Variants in RNF138 observed in about 807,000 individuals in gnomAD.
RNF138 encodes the protein ring finger protein 138.
In RNF138, 12 loss-of-function variants were observed where a neutral mutation model predicts 31.0. The observed-to-expected ratio is 0.39, with a 90% CI of 0.25 to 0.63. The LOEUF (loss-of-function observed/expected upper bound fraction) is 0.63, where lower values mean the gene tolerates loss of function less well. Ranked by LOEUF, RNF138 falls within the 20% of genes least tolerant of loss-of-function variation. The pLI is 0.52. For synonymous variants in RNF138, 105 were observed against 99.5 expected, an observed-to-expected ratio of 1.06 and a Z score of -0.33; for missense variants, 192 against 300.1, an observed-to-expected ratio of 0.64 and a Z score of 2.66.
At position 32,102,043 on chromosome 18, in the gene RNF138, AT is replaced by A. The variant is rs551714071; in HGVS notation, c.110+9172del. On this transcript the variant is annotated intron_variant, in intron 2 of 7. Coordinates refer to ENST00000261593, the MANE Select transcript of RNF138 (RefSeq NM_016271.5). The stretch of plus-strand genomic sequence containing the variant: ...AGGCGTGCACCACCATGCCTGGCTG[AT>A]TTTTTTTTTTTTTTCTTCAGTAGAG... Among the ~76,000 whole-genome samples, 427 of 133,272 alleles carry A rather than the reference AT, an allele frequency of 3.2e-3. 1 individual carries two copies. Among genetic ancestry groups the A allele is most frequent in the African/African-American group, 6.1e-3 (219 of 36,134 alleles). 87.4% of individuals were successfully genotyped at this position (133,272 alleles called of 152,430 possible).
In RNF138 at chr18:32,123,504, C is replaced by T. The variant is rs1168393288; in HGVS notation, c.393-14C>T. On this transcript the variant is annotated splice_polypyrimidine_tract_variant and intron_variant, in intron 4 of 7. Coordinates refer to ENST00000261593, the MANE Select transcript of RNF138 (RefSeq NM_016271.5). ...TACTTTGAGGTATTAACTTTTTCCC[C>T]TGTGCTTCTTAAGCAATAGGAGTGA... 1 of 1,549,270 alleles carries T rather than the reference C, an allele frequency of 6.5e-7. No individual in the cohort carries two copies. The highest frequency in any genetic ancestry group is 1.2e-5 in the South Asian group (1 of 83,362).
chr18:32,095,016 C>A (rs751170194), intron 2 of RNF138, among the ~76,000 whole-genome samples: 5 of 152,056 alleles, frequency 3.3e-5, no homozygotes, highest in Non-Finnish European at 7.4e-5. Flanking sequence ...TTTCTCAAAT[C>A]AACTTATTGT....
In RNF138 at chr18:32,130,541, G is replaced by A. The variant is rs1426634022; in HGVS notation, c.*1354G>A. 1 of 152,346 alleles carries A rather than the reference G, an allele frequency of 6.6e-6. No individual in the cohort carries two copies. The highest frequency in any genetic ancestry group is 1.5e-5 in the Non-Finnish European group (1 of 67,848). 9.4% of individuals were successfully genotyped at this position (152,346 alleles called of 1,614,324 possible). On this transcript the variant is annotated 3_prime_UTR_variant, in exon 8 of 8. Transcript: ENST00000261593. Reference sequence around the variant, plus strand: ...TTCCATACTAATATACATTGTTTATGCTTTCTTTAAAATAACTAGAAGAAC... The same window carrying A: ...TTCCATACTAATATACATTGTTTATACTTTCTTTAAAATAACTAGAAGAAC...
At chr18:32,098,018 C>T (rs2039846736) in intron 2 of RNF138, among the ~76,000 whole-genome samples, 1 of 151,248 alleles carries the variant, frequency 6.6e-6, no homozygotes, top group Non-Finnish European at 1.5e-5. Context: ...GACAGTCTCA[C>T]TGTGTTGCCC....
chr18:32,113,774 C>A lies in RNF138; in HGVS notation c.306C>A (p.Tyr102Ter). The change falls in exon 4 of 8, where the codon TAC (tyrosine) becomes TAA (stop). Residue 102 changes from tyrosine (Y) to a stop codon, truncating the protein, a stop_gained. Transcript: ENST00000261593. LOFTEE classifies it high-confidence loss of function. Reference protein sequence around the residue: ...QIKFYRMRHHYKSCKKYQDEY... With the variant: ...QIKFYRMRHH Reference sequence around the variant, plus strand: ...AATTCTATCGCATGAGACATCATTACAAATCTTGTAAGAAGTATCAGGATG... The same window carrying A: ...AATTCTATCGCATGAGACATCATTAAAAATCTTGTAAGAAGTATCAGGATG... The A allele has an allele frequency of 6.6e-7, 1 of 1,513,794 alleles. No homozygotes were observed. The highest frequency in any genetic ancestry group is 1.3e-5 in the South Asian group (1 of 79,754). 93.8% of individuals were successfully genotyped at this position (1,513,794 alleles called of 1,614,324 possible). A position where few individuals can be genotyped will look rare whatever the true frequency, so the allele number is the denominator to read the frequency against.
At chr18:32,113,486 CTT>C (rs2040166953) in intron 3 of RNF138, among the ~76,000 whole-genome samples, 1 of 152,140 alleles carries the variant, frequency 6.6e-6, no homozygotes, top group South Asian at 2.1e-4. Flanking sequence ...CTGGTAGTGT[CTT>C]TTCAAGTGTG....
chr18:32,128,700 T>C (rs1407685204), intron 7 of RNF138, among the ~76,000 whole-genome samples: 1 of 152,238 alleles, frequency 6.6e-6, no homozygotes. Context: ...TTTTTTAAAG[T>C]GACAGTCTCC....
At chr18:32,107,116 CTTTTTT>C (rs58774714) in intron 2 of RNF138, among the ~76,000 whole-genome samples, 27 of 100,588 alleles carry the variant, frequency 2.7e-4, no homozygotes, top group East Asian at 3.0e-4. Flanking sequence ...TCCTTTTTTC[CTTTTTT>C]TTTTTTTTTT....
rs199700256 is a variant in RNF138 at position 32,117,451 on chromosome 18, G to C, written c.392+3591G>C. Among the ~76,000 whole-genome samples the C allele has an allele frequency of 7.9e-5, 12 of 152,176 alleles. No homozygotes were observed. In the East Asian group the frequency reaches 1.9e-3, roughly 24 times the overall value. On this transcript the variant is annotated intron_variant, in intron 4 of 7. Transcript: ENST00000261593. Reference sequence around the variant, plus strand: ...ATAACAGAACCTGAAGAAGAGAGCTGAATAGAGCATGGCTATGGAAATTCT... The same window carrying C: ...ATAACAGAACCTGAAGAAGAGAGCTCAATAGAGCATGGCTATGGAAATTCT...
chr18:32,105,560 A>T lies in RNF138; in HGVS notation c.111-6194A>T, dbSNP rs572190083. Among the ~76,000 whole-genome samples the T allele has an allele frequency of 3.3e-5, 5 of 152,334 alleles. No individual in the cohort carries two copies. In the South Asian group the frequency reaches 1.0e-3, roughly 32 times the overall value. On this transcript the variant is annotated intron_variant, in intron 2 of 7. Coordinates refer to ENST00000261593, the MANE Select transcript of RNF138 (RefSeq NM_016271.5). ...GATAGTATTTGGGCAATAGCTTTAT[A>T]TGTAGAATCTCTGCTGTGTGCTATA...
chr18:32,099,920 A>G (rs918533437), intron 2 of RNF138, among the ~76,000 whole-genome samples: 4 of 152,234 alleles, frequency 2.6e-5, no homozygotes, highest in Non-Finnish European at 5.9e-5. Context: ...GTCAAAGGGT[A>G]GATACAAACA....
chr18:32,101,249 C>G (rs2039934523), intron 2 of RNF138, among the ~76,000 whole-genome samples: 1 of 147,662 alleles, frequency 6.8e-6, no homozygotes, highest in South Asian at 2.1e-4. Context: ...GAGTCTGGCT[C>G]TGTTGTCCAG....
At chr18:32,110,608 T>C (rs2040111228) in intron 2 of RNF138, among the ~76,000 whole-genome samples, 1 of 152,184 alleles carries the variant, frequency 6.6e-6, no homozygotes, top group South Asian at 2.1e-4. Context: ...AATATTCATA[T>C]ATATTTATAG....
At position 32,131,024 on chromosome 18, in the gene RNF138, A is replaced by AGTT. The variant is rs1166454522; in HGVS notation, c.*1838_*1840dup. ...AGTTAAACCATTCTGGGATTTGCAA[A>AGTT]GTTTAATACATCCAATATGTCAAGT... On this transcript the variant is annotated 3_prime_UTR_variant, in exon 8 of 8. Transcript: ENST00000261593. 6.6e-6 allele frequency: 1 copy of AGTT among 151,304 alleles called. No individual in the cohort carries two copies. The highest frequency in any genetic ancestry group is 1.5e-5 in the Non-Finnish European group (1 of 67,648). 9.4% of individuals were successfully genotyped at this position (151,304 alleles called of 1,614,324 possible). A position where few individuals can be genotyped will look rare whatever the true frequency, so the allele number is the denominator to read the frequency against.
chr18:32,128,337 A>C (rs1270571895), intron 7 of RNF138, among the ~76,000 whole-genome samples: 1 of 152,210 alleles, frequency 6.6e-6, no homozygotes, highest in Non-Finnish European at 1.5e-5. Context: ...CAGCAGTTCA[A>C]GACCAGCCTG....
At chr18:32,113,930 A>G in intron 4 of RNF138, 70 bp downstream of exon 4, 2 of 810,704 alleles carry the variant, frequency 2.5e-6, no homozygotes, top group Non-Finnish European at 4.0e-6. Flanking sequence ...GAACTATATG[A>G]TAAGGTATTT....
At chr18:32,095,597 G>A (rs1568222556) in intron 2 of RNF138, among the ~76,000 whole-genome samples, 1 of 152,202 alleles carries the variant, frequency 6.6e-6, no homozygotes, top group Non-Finnish European at 1.5e-5. Flanking sequence ...ATAGAGAGTT[G>A]AAGTGATAAG....
intron 4 of RNF138, among the ~76,000 whole-genome samples, chr18:32,118,183 A>T (rs891583812): frequency 2.0e-5 from 3 of 152,228 alleles, no homozygotes; most frequent in Non-Finnish European, 4.4e-5. Flanking sequence ...GAAATCTGGC[A>T]TAGTATTAAA....
rs557440429 is a variant in RNF138, at chr18:32,092,944, GGCCCGGGACCCCGGGCTGCC to G, written c.110+62_110+81del. 3.3e-3 allele frequency: 3,339 copies of G among 1,015,328 alleles called. 81 individuals are homozygous for G. The African/African-American group carries it at 0.05, about 15-fold the overall frequency. 62.9% of individuals were successfully genotyped at this position (1,015,328 alleles called of 1,614,324 possible). On this transcript the variant is annotated intron_variant, in intron 2 of 7. Transcript: ENST00000261593. ...GGGTTGTCGCTTAGGCCCGGCCTCC[GGCCCGGGACCCCGGGCTGCC>G]GCCTGGCGGGAACCGAGCCCGCCGC...
Sources: gnomAD v4.1 joint callset for allele counts (sites outside exome capture counted in the v4.1 genomes callset) on GRCh38, gnomAD v4.1.1 for gene constraint, MANE v1.5 for transcripts, NCBI Gene and HGNC (gene_info 2026-07-23, HGNC 2026-07-21) for gene names.